The following INTS9 variants were observed in gnomAD, a reference collection of about 807,000 sequenced individuals.
INTS9 encodes integrator complex subunit 9, also known as protein related to CPSF subunits of 74 kDa.
INTS9 carries 55 observed loss-of-function variants against 79.7 expected under a neutral mutation model. That is an observed-to-expected ratio of 0.69 (90% CI 0.56 to 0.86). The LOEUF (loss-of-function observed/expected upper bound fraction) is 0.86. Among genes scored for constraint, INTS9 ranks in the 40% least tolerant of loss-of-function variants. The pLI is 0.00. For missense variants in INTS9, 721 were observed against 831.5 expected (o/e 0.87, Z 1.64); for synonymous variants, 319 against 325.2 (o/e 0.98, Z 0.20).
chr8:28,770,235 C>T (rs1466556855), intron 15 of INTS9, among the ~76,000 whole-genome samples: 1 of 152,250 alleles, frequency 6.6e-6, no homozygotes, highest in Non-Finnish European at 1.5e-5. Flanking sequence ...CCTACCAACA[C>T]CTTATTCGCT....
At chr8:28,795,059 T>A (rs1390984987) in intron 9 of INTS9, among the ~76,000 whole-genome samples, 6 of 152,258 alleles carry the variant, frequency 3.9e-5, no homozygotes, top group African/African-American at 1.4e-4. Flanking sequence ...TTTATTAGCA[T>A]GGCTAAGTTT....
intron 6 of INTS9, among the ~76,000 whole-genome samples, chr8:28,829,083 T>C (rs1240959835): frequency 6.6e-6 from 1 of 152,264 alleles, no homozygotes; most frequent in East Asian, 1.9e-4. Context: ...CAATGCTTCA[T>C]TGCTTAATGC....
intron 10 of INTS9, among the ~76,000 whole-genome samples, chr8:28,792,117 A>G (rs1213679802): frequency 6.6e-6 from 1 of 152,240 alleles, no homozygotes; most frequent in Non-Finnish European, 1.5e-5. Context: ...GAATGAATGG[A>G]TCACTCAATC....
intron 1 of INTS9, among the ~76,000 whole-genome samples, chr8:28,863,078 G>C (rs1045429045): frequency 6.6e-6 from 1 of 152,178 alleles, no homozygotes; most frequent in African/African-American, 2.4e-5. Flanking sequence ...AAATCATTAA[G>C]GGGCTGAAGA....
At chr8:28,773,686 T>G (rs946434228) in intron 14 of INTS9, among the ~76,000 whole-genome samples, 28 of 83,624 alleles carry the variant, frequency 3.3e-4, no homozygotes, top group Non-Finnish European at 3.1e-4. Context: ...CGCCTGTGGC[T>G]AATTTTTGTT....
At chr8:28,883,955 T>C (rs1810032807) in intron 1 of INTS9, among the ~76,000 whole-genome samples, 1 of 152,094 alleles carries the variant, frequency 6.6e-6, no homozygotes, top group Non-Finnish European at 1.5e-5. Context: ...AACTAAATAT[T>C]GCTGAACATC....
At chr8:28,807,917 C>A (rs1195992006) in intron 8 of INTS9, among the ~76,000 whole-genome samples, 2 of 152,136 alleles carry the variant, frequency 1.3e-5, no homozygotes, top group Non-Finnish European at 2.9e-5. Context: ...GGTGAGAAAA[C>A]TGTTACTTCT....
rs546975406 is a variant in INTS9, at chr8:28,779,449, T to C, written c.1270+1374A>G. 8.5e-5 allele frequency among the ~76,000 whole-genome samples: 13 copies of C among 152,246 alleles called. No homozygotes were observed. In the South Asian group the frequency reaches 2.7e-3, roughly 32 times the overall value. The stretch of plus-strand genomic sequence containing the variant: ...GGAACACCAACACCTTGTCTGACAA[T>C]GATGGATCCGGCCAAAGACAAGACC... On this transcript the variant is annotated intron_variant, in intron 12 of 16. Transcript: ENST00000521022.
At chr8:28,804,411 C>T (rs1011791447) in intron 8 of INTS9, among the ~76,000 whole-genome samples, 58 of 152,160 alleles carry the variant, frequency 3.8e-4, no homozygotes, top group Admixed American at 8.5e-4. Context: ...ACCCTTTGTC[C>T]TTTTTTCTTT....
intron 10 of INTS9, among the ~76,000 whole-genome samples, chr8:28,789,464 T>C (rs181460689): frequency 1.5e-5 from 2 of 137,462 alleles, no homozygotes; most frequent in African/African-American, 4.9e-5. Context: ...AAAGGAGATC[T>C]GTGTATACCA....
chr8:28,787,337 A>G (rs1338932018), intron 11 of INTS9, among the ~76,000 whole-genome samples: 2 of 152,358 alleles, frequency 1.3e-5, no homozygotes, highest in Middle Eastern at 3.4e-3. Context: ...CTGACAATAC[A>G]TAAACCCAAT....
intron 8 of INTS9, among the ~76,000 whole-genome samples, chr8:28,801,255 A>C (rs1371057685): frequency 6.6e-6 from 1 of 152,230 alleles, no homozygotes; most frequent in African/African-American, 2.4e-5. Context: ...TGGGAGGCCA[A>C]GGCAGGTGGA....
At chr8:28,777,786 G>C (rs11785319) in intron 13 of INTS9, 43 bp downstream of exon 13, 209,216 of 1,556,388 alleles carry the variant, frequency 0.13, 15,228 homozygotes, top group Non-Finnish European at 0.15. Context: ...GCCACACCAA[G>C]GTGACATGAC....
rs2130867340 is a variant in INTS9, at chr8:28,775,813, C to T, written c.1509G>A (p.Glu503=). 1 of 1,613,066 alleles carries T rather than the reference C, an allele frequency of 6.2e-7. No individual in the cohort carries two copies. Among genetic ancestry groups the T allele is most frequent in the Non-Finnish European group, 8.5e-7 (1 of 1,179,436 alleles). ...QPPAMSYRRA[E]VLALPFKRRY... is the part of the protein sequence containing the mutation. ...GACGTTTGAAGGGCAGGGCGAGAAC[C>T]TCAGCCCGCCGATAGGACATGGCGG... The change falls in exon 14 of 17, where the codon GAG becomes GAA. Residue 503 remains glutamate (E), a synonymous_variant. Coordinates refer to ENST00000521022, the MANE Select transcript of INTS9 (RefSeq NM_018250.4).
rs573661289 is a variant in INTS9 at position 28,818,465 on chromosome 8, C to T, written c.489-4853G>A. ...ATGCTGGATTACATTTCTTGATTTG[C>T]GTATATTGAACCAGCCTTGCATCCC... On this transcript the variant is annotated intron_variant, in intron 6 of 16. Coordinates refer to ENST00000521022, the MANE Select transcript of INTS9 (RefSeq NM_018250.4). Among the ~76,000 whole-genome samples the T allele has an allele frequency of 2.1e-3, 316 of 152,040 alleles. 1 individual carries two copies. Among genetic ancestry groups the T allele is most frequent in the Middle Eastern group, 0.014 (4 of 294 alleles).
At chr8:28,811,394 G>A (rs891964531) in intron 8 of INTS9, among the ~76,000 whole-genome samples, 12 of 151,730 alleles carry the variant, frequency 7.9e-5, no homozygotes, top group African/African-American at 1.2e-4. Flanking sequence ...AAAGTGCTGG[G>A]ATTACAGGCA....
At chr8:28,823,154 G>T (rs1055927826) in intron 6 of INTS9, among the ~76,000 whole-genome samples, 1 of 152,138 alleles carries the variant, frequency 6.6e-6, no homozygotes, top group African/African-American at 2.4e-5. Context: ...AACATGATGG[G>T]TGGCAGGATA....
At chr8:28,827,342 C>T in intron 6 of INTS9, among the ~76,000 whole-genome samples, 1 of 152,134 alleles carries the variant, frequency 6.6e-6, no homozygotes, top group East Asian at 1.9e-4. Context: ...CCAGCAAAAG[C>T]AGCACACTTT....
intron 4 of INTS9, among the ~76,000 whole-genome samples, chr8:28,843,621 A>G (rs924725811): frequency 2.6e-5 from 4 of 152,216 alleles, no homozygotes; most frequent in African/African-American, 9.7e-5. Context: ...TGCATTTCTA[A>G]TACAAGGTAA....
Sources: allele counts gnomAD v4.1 joint callset (sites outside exome capture counted in the v4.1 genomes callset), GRCh38; gene constraint gnomAD v4.1.1; transcripts MANE v1.5; gene names NCBI Gene and HGNC (gene_info 2026-07-23, HGNC 2026-07-21).